Variants in VWA3A observed in about 807,000 individuals in gnomAD.
VWA3A encodes the protein von Willebrand factor A domain-containing protein 3A.
VWA3A carries 134 observed loss-of-function variants against 160.4 expected under a neutral mutation model. The observed-to-expected ratio is 0.84, with a 90% CI of 0.73 to 0.96. The LOEUF (loss-of-function observed/expected upper bound fraction) is 0.96, where lower values mean the gene tolerates loss of function less well. Ranked by LOEUF, VWA3A falls within the 40% of genes least tolerant of loss-of-function variation. VWA3A has a pLI of 0.00. For missense variants in VWA3A, 1,310 were observed against 1,447.9 expected (o/e 0.90, Z 1.55); for synonymous variants, 476 against 543.4 (o/e 0.88, Z 1.72).
chr16:22,156,900 AT>A lies in VWA3A; in HGVS notation c.*888del, dbSNP rs1266471974. On this transcript the variant is annotated 3_prime_UTR_variant, in exon 34 of 34. Coordinates refer to ENST00000389398, the MANE Select transcript of VWA3A (RefSeq NM_173615.5). ...CATTGGCGTGTGTGTGTGTGCATAA[AT>A]TTTTAGTGACATAAAACTTTATTAA... 1 of 152,176 alleles carries A rather than the reference AT, an allele frequency of 6.6e-6. No individual in the cohort carries two copies. The highest frequency in any genetic ancestry group is 1.5e-5 in the Non-Finnish European group (1 of 68,024). 9.4% of individuals were successfully genotyped at this position (152,176 alleles called of 1,614,324 possible).
rs1438866434 is a variant in VWA3A at position 22,103,954 on chromosome 16, AAAAAT to A, written c.483+440_483+444del. Among the ~76,000 whole-genome samples the A allele has an allele frequency of 9.2e-5, 14 of 152,286 alleles. 1 individual carries two copies. The highest frequency in any genetic ancestry group is 5.2e-4 in the Admixed American group (8 of 15,300). On this transcript the variant is annotated intron_variant, in intron 6 of 33. Coordinates refer to ENST00000389398, the MANE Select transcript of VWA3A (RefSeq NM_173615.5). ...TGGAACTAGTGCTGACTTCTGGGGC[AAAAAT>A]AAAATAAAATAAAAGACAGGGGGGA...
In VWA3A at chr16:22,119,008, T is replaced by C; in HGVS notation, c.1097T>C (p.Leu366Pro). The C allele has an allele frequency of 6.2e-7, 1 of 1,612,810 alleles. No homozygotes were observed. Among genetic ancestry groups the C allele is most frequent in the Non-Finnish European group, 8.5e-7 (1 of 1,179,358 alleles). ...ALQHSSPCEA[L>P]TCTMEEISTE... is the part of the protein sequence containing the mutation. ...CAGCACAGCAGCCCCTGTGAGGCGC[T>C]CACCTGCACCATGGAGGAGGTAGGT... Residue 366 changes from leucine to proline, a missense_variant, in exon 12 of 34, where the codon CTC (leucine) becomes CCC (proline). Coordinates refer to ENST00000389398, the MANE Select transcript of VWA3A (RefSeq NM_173615.5).
intron 9 of VWA3A, chr16:22,116,433 G>A: frequency 4.6e-6 from 2 of 439,484 alleles, no homozygotes; most frequent in Non-Finnish European, 8.5e-6. Flanking sequence ...GAAAGAGAGA[G>A]GAAGAGAGAG....
chr16:22,128,969 G>A (rs754765412), intron 17 of VWA3A, among the ~76,000 whole-genome samples: 1 of 152,080 alleles, frequency 6.6e-6, no homozygotes, highest in Non-Finnish European at 1.5e-5. Flanking sequence ...AAAAATAACT[G>A]ATGGGTACTA....
chr16:22,151,677 G>A (rs899509135), intron 30 of VWA3A, among the ~76,000 whole-genome samples: 15 of 151,910 alleles, frequency 9.9e-5, no homozygotes, highest in Admixed American at 3.3e-4. Flanking sequence ...TTCGAGACCA[G>A]CCTGGATATC....
intron 5 of VWA3A, among the ~76,000 whole-genome samples, chr16:22,101,591 A>G (rs1225306328): frequency 3.3e-5 from 5 of 152,226 alleles, no homozygotes; most frequent in African/African-American, 1.2e-4. Context: ...CAAGGCAGCC[A>G]GGAAAGAGAG....
intron 3 of VWA3A, among the ~76,000 whole-genome samples, chr16:22,099,279 A>G (rs1024245226): frequency 6.6e-6 from 1 of 152,242 alleles, no homozygotes; most frequent in Non-Finnish European, 1.5e-5. Flanking sequence ...ACAGAATCAC[A>G]TAATGAGAAA....
chr16:22,150,078 GA>G, intron 29 of VWA3A, 147 bp downstream of exon 29: 1 of 1,234,102 alleles, frequency 8.1e-7, no homozygotes, highest in Non-Finnish European at 1.1e-6. Context: ...ACCCGAGTGA[GA>G]AAAGGATTCT....
chr16:22,146,101 CATGAG>C (rs1447648531), intron 26 of VWA3A, 130 bp from the exon 27 acceptor site: 1 of 690,408 alleles, frequency 1.4e-6, no homozygotes, highest in Non-Finnish European at 2.5e-6. Context: ...GGATTACAGG[CATGAG>C]CCACCGTGCC....
chr16:22,092,782 G>A (rs1188711434), intron 1 of VWA3A, 131 bp downstream of exon 1: 1 of 1,188,468 alleles, frequency 8.4e-7, no homozygotes, highest in East Asian at 2.8e-5. Context: ...TACATGCCGA[G>A]CATTGGGCTA....
At chr16:22,132,830 G>A in intron 19 of VWA3A, 70 bp from the exon 20 acceptor site, 1 of 1,491,326 alleles carries the variant, frequency 6.7e-7, no homozygotes, top group Non-Finnish European at 9.1e-7. Flanking sequence ...TGGCCAGGCT[G>A]GGCTGCCCAG....
chr16:22,132,403 C>A (rs2045964103), intron 19 of VWA3A, among the ~76,000 whole-genome samples: 1 of 151,522 alleles, frequency 6.6e-6, no homozygotes, highest in Admixed American at 6.6e-5. Flanking sequence ...AAAAAATTAA[C>A]CAGGTGTGGT....
chr16:22,116,930 T>A, intron 10 of VWA3A, 63 bp downstream of exon 10: 11 of 1,525,110 alleles, frequency 7.2e-6, no homozygotes, highest in Non-Finnish European at 9.0e-6. Flanking sequence ...GGGCTGGCCT[T>A]TGAGGCCTCA....
chr16:22,118,671 G>C (rs2045684829), intron 11 of VWA3A, among the ~76,000 whole-genome samples: 1 of 152,210 alleles, frequency 6.6e-6, no homozygotes, highest in Non-Finnish European at 1.5e-5. Context: ...GGGTGACAGA[G>C]CGAGACTCCA....
At chr16:22,123,537 G>C in intron 15 of VWA3A, 76 bp from the exon 16 acceptor site, 1 of 1,611,468 alleles carries the variant, frequency 6.2e-7, no homozygotes, top group Non-Finnish European at 8.5e-7. Context: ...GCCCACCCAG[G>C]TACACGTACT....
Position 22,155,533 on chromosome 16 carries a change from G to A in VWA3A, c.3406-34G>A, listed in dbSNP as rs2046424991. On this transcript the variant is annotated intron_variant, in intron 31 of 33. Coordinates refer to ENST00000389398, the MANE Select transcript of VWA3A (RefSeq NM_173615.5). ...ATTTTGGATTTTCAGCTCCCATCCA[G>A]TCATAAACTTCACACTCATTTCCTC... is the stretch of plus-strand genomic sequence containing the variant. The A allele has an allele frequency of 7.5e-6, 12 of 1,597,808 alleles. No individual in the cohort carries two copies. In the East Asian group the frequency reaches 2.2e-4, roughly 30 times the overall value.
rs778712934 is a variant in VWA3A at position 22,148,171 on chromosome 16, G to A, written c.2849G>A (p.Arg950Gln). ...ACCTGTCTCGGAGCAGGGAGCCGCC[G>A]ACTGTTTGGCACCGTTTTGGAGAGC... ...RLQWLLSGSR[R>Q]LFGTVLESKV... The change falls in exon 28 of 34, where the codon CGA becomes CAA. Residue 950 changes from arginine to glutamine, a missense_variant. Arg to Gln is a conservative substitution (Grantham distance 43). Coordinates refer to ENST00000389398, the MANE Select transcript of VWA3A (RefSeq NM_173615.5). The A allele has an allele frequency of 2.4e-5, 39 of 1,600,642 alleles. 1 individual carries two copies. Among genetic ancestry groups the A allele is most frequent in the South Asian group, 5.7e-5 (5 of 88,258 alleles).
At chr16:22,135,295 G>A (rs1462906641) in intron 21 of VWA3A, among the ~76,000 whole-genome samples, 2 of 152,148 alleles carry the variant, frequency 1.3e-5, no homozygotes, top group African/African-American at 4.8e-5. Context: ...CTTGGCTTGA[G>A]GAGCATAACT....
chr16:22,131,758 T>TA, intron 19 of VWA3A, 29 bp downstream of exon 19: 1 of 1,598,722 alleles, frequency 6.3e-7, no homozygotes, highest in South Asian at 1.1e-5. Context: ...GGGTGTCCAT[T>TA]ATCCTTTGCG....
Sources: gnomAD v4.1 joint callset for allele counts (sites outside exome capture counted in the v4.1 genomes callset) on GRCh38, gnomAD v4.1.1 for gene constraint, MANE v1.5 for transcripts, NCBI Gene and HGNC (gene_info 2026-07-23, HGNC 2026-07-21) for gene names.